The following FAM91A1 variants were observed in gnomAD, a reference collection of about 807,000 sequenced individuals.
The protein encoded by FAM91A1 is protein FAM91A1.
A neutral mutation model predicts 113.5 loss-of-function variants in FAM91A1; 41 were observed. That is an observed-to-expected ratio of 0.36 (90% CI 0.28 to 0.47). The LOEUF (loss-of-function observed/expected upper bound fraction) is 0.47. Ranked by LOEUF, FAM91A1 falls within the 20% of genes least tolerant of loss-of-function variation. The pLI is 1.00. For synonymous variants in FAM91A1, 307 were observed against 347.9 expected (o/e 0.88, Z 1.31); for missense variants, 696 against 1,001.2 (o/e 0.70, Z 4.11).
rs765636964 is a variant in FAM91A1, at chr8:123,777,339, G to A, written c.367+17G>A. On this transcript the variant is annotated intron_variant, in intron 4 of 23. Transcript: ENST00000334705. ...CTGCTGACTGTAAGTATTTAATTGT[G>A]CTGAAGAAGGTAATGTTTAGGTTGT... 1 of 1,607,360 alleles carries A rather than the reference G, an allele frequency of 6.2e-7. No individual in the cohort carries two copies. Among genetic ancestry groups the A allele is most frequent in the East Asian group, 2.2e-5 (1 of 44,638 alleles).
chr8:123,783,045 A>G (rs556936537), intron 8 of FAM91A1, among the ~76,000 whole-genome samples: 44 of 152,216 alleles, frequency 2.9e-4, no homozygotes, highest in African/African-American at 8.4e-4. Context: ...GCGTGTTGGC[A>G]TGTGGCTGTA....
At chr8:123,798,946 C>T (rs1183377679) in intron 16 of FAM91A1, among the ~76,000 whole-genome samples, 1 of 152,188 alleles carries the variant, frequency 6.6e-6, no homozygotes, top group Non-Finnish European at 1.5e-5. Flanking sequence ...ATCTAACTAA[C>T]CTTTTTAAAA....
rs183980301 is a variant in FAM91A1, at chr8:123,779,375, C to T, written c.549+603C>T. ...GTCAAGATCAAGAGAGTTGATATTC[C>T]CAGTGGTCAGACCACATCTTAGAAG... On this transcript the variant is annotated intron_variant, in intron 6 of 23. Coordinates refer to ENST00000334705, the MANE Select transcript of FAM91A1 (RefSeq NM_144963.4). Among the ~76,000 whole-genome samples the T allele has an allele frequency of 5.3e-3, 814 of 152,194 alleles. 2 individuals are homozygous for T. The highest frequency in any genetic ancestry group is 8.2e-3 in the Non-Finnish European group (560 of 68,006).
chr8:123,784,305 C>T (rs1000225854), intron 8 of FAM91A1, among the ~76,000 whole-genome samples, 165 bp from the exon 9 acceptor site: 5 of 152,034 alleles, frequency 3.3e-5, no homozygotes, highest in African/African-American at 9.7e-5. Context: ...TCTCTGTGTA[C>T]GTATTGTAGA....
chr8:123,771,108 C>G (rs1261990941), intron 1 of FAM91A1, among the ~76,000 whole-genome samples: 1 of 152,248 alleles, frequency 6.6e-6, no homozygotes, highest in Non-Finnish European at 1.5e-5. Context: ...GATTCTCACT[C>G]TGATACTGCT....
chr8:123,773,145 A>G (rs917057412), intron 1 of FAM91A1, among the ~76,000 whole-genome samples: 13 of 152,162 alleles, frequency 8.5e-5, no homozygotes, highest in South Asian at 4.1e-4. Flanking sequence ...TTACCTACCA[A>G]TGGGTCCAGT....
At chr8:123,784,165 C>A (rs984408997) in intron 8 of FAM91A1, among the ~76,000 whole-genome samples, 1 of 152,214 alleles carries the variant, frequency 6.6e-6, no homozygotes, top group African/African-American at 2.4e-5. Context: ...CATTCTGAAG[C>A]AGCCCCTGTT....
chr8:123,779,626 T>C (rs1390522932), intron 6 of FAM91A1, among the ~76,000 whole-genome samples: 2 of 152,220 alleles, frequency 1.3e-5, no homozygotes, highest in Admixed American at 6.5e-5. Flanking sequence ...AATAAGCTAG[T>C]GAACTTTCCT....
intron 23 of FAM91A1, 117 bp downstream of exon 23, chr8:123,810,468 A>G: frequency 2.0e-6 from 2 of 986,914 alleles, no homozygotes; most frequent in Non-Finnish European, 3.2e-6. Flanking sequence ...CATTAATTTT[A>G]TTGTACAAAT....
chr8:123,808,358 G>T lies in FAM91A1; in HGVS notation c.2119G>T (p.Ala707Ser), dbSNP rs1450885436. The T allele has an allele frequency of 1.2e-6, 2 of 1,613,250 alleles. No individual in the cohort carries two copies. Among genetic ancestry groups the T allele is most frequent in the Non-Finnish European group, 1.7e-6 (2 of 1,179,516 alleles). ...MVIEEATIDS[A>S]TKQTSGATTE... ...CATTGAGGAAGCAACTATAGATTCAGCAACAAAGCAAACCTCTGGTATGGT... is the reference window on the plus strand; with the variant it reads ...CATTGAGGAAGCAACTATAGATTCATCAACAAAGCAAACCTCTGGTATGGT... The change falls in exon 21 of 24, where the codon GCA (alanine) becomes TCA (serine). Residue 707 changes from alanine to serine, a missense_variant. Coordinates refer to ENST00000334705, the MANE Select transcript of FAM91A1 (RefSeq NM_144963.4).
chr8:123,777,027 T>A (rs1815000843), intron 3 of FAM91A1, among the ~76,000 whole-genome samples: 1 of 152,200 alleles, frequency 6.6e-6, no homozygotes, highest in African/African-American at 2.4e-5. Flanking sequence ...GGCAGCTGCC[T>A]GGGATTCGTA....
chr8:123,770,628 G>A (rs771401326), intron 1 of FAM91A1, among the ~76,000 whole-genome samples: 9 of 152,092 alleles, frequency 5.9e-5, no homozygotes, highest in Non-Finnish European at 1.0e-4. Context: ...CTTTTCATCA[G>A]AATAAATGTA....
rs1267525035 is a variant in FAM91A1, at chr8:123,799,762, T to A, written c.1696-10T>A. On this transcript the variant is annotated splice_polypyrimidine_tract_variant and intron_variant, in intron 17 of 23. Transcript: ENST00000334705. ...GAATGCCATTTTACCTGTTAATTTCTTTTCAATAGAGTTATGATCGATTGC... is the reference window on the plus strand; with the variant it reads ...GAATGCCATTTTACCTGTTAATTTCATTTCAATAGAGTTATGATCGATTGC... 1 of 1,606,392 alleles carries A rather than the reference T, an allele frequency of 6.2e-7. No individual in the cohort carries two copies. Among genetic ancestry groups the A allele is most frequent in the East Asian group, 2.2e-5 (1 of 44,746 alleles).
At chr8:123,773,482 T>C (rs773079867) in intron 1 of FAM91A1, among the ~76,000 whole-genome samples, 15 of 152,334 alleles carry the variant, frequency 9.8e-5, no homozygotes, top group Non-Finnish European at 2.1e-4. Flanking sequence ...ACTAAGTGCA[T>C]ACTAGAAAGA....
chr8:123,793,841 G>A (rs1006169093), intron 15 of FAM91A1, among the ~76,000 whole-genome samples: 1 of 152,124 alleles, frequency 6.6e-6, no homozygotes, highest in Non-Finnish European at 1.5e-5. Flanking sequence ...CTTGAAGGAG[G>A]ATATAGCTAC....
intron 8 of FAM91A1, among the ~76,000 whole-genome samples, chr8:123,782,607 A>G (rs965243626): frequency 3.9e-5 from 6 of 152,230 alleles, no homozygotes; most frequent in Admixed American, 3.9e-4. Flanking sequence ...GAATACCTGT[A>G]GGATATAGAA....
At position 123,806,088 on chromosome 8, in the gene FAM91A1, C is replaced by T. The variant is rs777888437; in HGVS notation, c.1891C>T (p.Arg631Cys). The change falls in exon 20 of 24, where the codon CGT (arginine) becomes TGT (cysteine). Residue 631 changes from arginine (R) to cysteine (C), a missense_variant. Coordinates refer to ENST00000334705, the MANE Select transcript of FAM91A1 (RefSeq NM_144963.4). ...GTCCGTTCTGTTTGTAGAGTTCACT[C>T]GTGTCAATATGGGTGTTCATAAAGC... ...DETELQGEFTRVNMGVHKALQ... is the reference protein window; with the variant it reads ...DETELQGEFTCVNMGVHKALQ... The T allele has an allele frequency of 2.7e-5, 43 of 1,589,940 alleles. No homozygotes were observed. The highest frequency in any genetic ancestry group is 4.5e-5 in the East Asian group (2 of 44,404).
At chr8:123,807,480 C>CAAAAAAAAAAA (rs546080328) in intron 20 of FAM91A1, among the ~76,000 whole-genome samples, 206 of 57,384 alleles carry the variant, frequency 3.6e-3, no homozygotes, top group Middle Eastern at 0.013. Flanking sequence ...CCTGTCTCTA[C>CAAAAAAAAAAA]AAAAAAAAAA....
At chr8:123,800,534 A>G (rs1303066149) in intron 18 of FAM91A1, among the ~76,000 whole-genome samples, 1 of 152,170 alleles carries the variant, frequency 6.6e-6, no homozygotes, top group African/African-American at 2.4e-5. Flanking sequence ...TGTACAATTC[A>G]CCAATTTAAA....
Sources: allele counts gnomAD v4.1 joint callset (sites outside exome capture counted in the v4.1 genomes callset), GRCh38; gene constraint gnomAD v4.1.1; transcripts MANE v1.5; gene names NCBI Gene and HGNC (gene_info 2026-07-23, HGNC 2026-07-21).